SLC6A16: variants seen among roughly 807,000 people sequenced by gnomAD.
SLC6A16 encodes the protein solute carrier family 6 member 16, also known as orphan sodium- and chloride-dependent neurotransmitter transporter NTT5.
SLC6A16 carries 54 observed loss-of-function variants against 65.4 expected under a neutral mutation model. The ratio of observed to expected loss-of-function variants is 0.83; its 90% CI spans 0.66 to 1.04. The LOEUF (loss-of-function observed/expected upper bound fraction) is 1.04. Among genes scored for constraint, SLC6A16 ranks in the 50% least tolerant of loss-of-function variants. The pLI, the probability that SLC6A16 is intolerant of heterozygous loss-of-function variation, is 0.00. For missense variants in SLC6A16, 816 were observed against 914.0 expected, an observed-to-expected ratio of 0.89 and a Z score of 1.38; for synonymous variants, 330 against 346.5, an observed-to-expected ratio of 0.95 and a Z score of 0.53.
chr19:49,319,533 C>T (rs353982), intron 1 of SLC6A16, among the ~76,000 whole-genome samples: 1 of 150,170 alleles, frequency 6.7e-6, no homozygotes, highest in Admixed American at 6.7e-5. Context: ...ATACATATAC[C>T]TATACGATAT....
intron 1 of SLC6A16, among the ~76,000 whole-genome samples, chr19:49,313,528 C>T (rs1970562778): frequency 6.6e-6 from 1 of 151,554 alleles, no homozygotes; most frequent in Non-Finnish European, 1.5e-5. Context: ...GCCTGTAATC[C>T]CAGTACTTTG....
chr19:49,292,124 C>T lies in SLC6A16; in HGVS notation c.1778+1099G>A, dbSNP rs1423223873. 1.3e-5 allele frequency among the ~76,000 whole-genome samples: 2 copies of T among 152,150 alleles called. No homozygotes were observed. Among genetic ancestry groups the T allele is most frequent in the Non-Finnish European group, 2.9e-5 (2 of 68,026 alleles). ...GTGGCTCACGCATGTAATCCTAGCA[C>T]TTTGGGAGGCTGAGGCAGGTGATCA... On this transcript the variant is annotated intron_variant, in intron 10 of 11. Transcript: ENST00000335875. The surrounding 1 kb of genome is among the most constrained non-coding windows in gnomAD (Gnocchi z 4.3).
intron 1 of SLC6A16, among the ~76,000 whole-genome samples, chr19:49,319,538 C>T (rs371105357): frequency 6.0e-5 from 9 of 149,526 alleles, no homozygotes; most frequent in South Asian, 2.1e-4. Flanking sequence ...TATACCTATA[C>T]GATATATACA....
chr19:49,290,768 C>A lies in SLC6A16; in HGVS notation c.1779-1G>T. The stretch of plus-strand genomic sequence containing the variant: ...CAGGATCGTCAGGTCTGCAAGGAAC[C>A]TGGAGAAGGGCCACCAGAGTGTGGG... On this transcript the variant is annotated splice_acceptor_variant, in intron 10 of 11. Coordinates refer to ENST00000335875, the MANE Select transcript of SLC6A16 (RefSeq NM_014037.3). LOFTEE classifies it high-confidence loss of function. 1 of 1,605,912 alleles carries A rather than the reference C, an allele frequency of 6.2e-7. No homozygotes were observed. Among genetic ancestry groups the A allele is most frequent in the East Asian group, 2.2e-5 (1 of 44,578 alleles).
upstream of SLC6A16, among the ~76,000 whole-genome samples, chr19:49,328,344 A>G (rs1323152879): frequency 6.6e-6 from 1 of 152,204 alleles, no homozygotes; most frequent in African/African-American, 2.4e-5. Flanking sequence ...TCACAAAAAC[A>G]GCCTGGGGAA....
At chr19:49,322,161 C>T (rs1185406871) in intron 1 of SLC6A16, among the ~76,000 whole-genome samples, 7 of 151,968 alleles carry the variant, frequency 4.6e-5, no homozygotes, top group Non-Finnish European at 7.4e-5. Context: ...TGATCTTATA[C>T]GTAGAAAATC....
chr19:49,290,506 G>A, intron 11 of SLC6A16, 99 bp downstream of exon 11: 1 of 1,555,522 alleles, frequency 6.4e-7, no homozygotes, highest in Admixed American at 1.7e-5. Flanking sequence ...GAGTCTTCGG[G>A]CAGTAAGAGA....
intron 7 of SLC6A16, among the ~76,000 whole-genome samples, chr19:49,298,288 T>C (rs1970221499): frequency 6.6e-6 from 1 of 152,172 alleles, no homozygotes; most frequent in Non-Finnish European, 1.5e-5. Flanking sequence ...GAAGAGCTTC[T>C]GCACAGCAAA....
chr19:49,330,594 A>G, the SLC6A16 span, among the ~76,000 whole-genome samples: 1 of 152,186 alleles, frequency 6.6e-6, no homozygotes, highest in Non-Finnish European at 1.5e-5. Context: ...TTCAATGGGT[A>G]GAATTGCTGT....
chr19:49,332,003 T>C, the SLC6A16 span: 21 of 447,942 alleles, frequency 4.7e-5, no homozygotes, highest in South Asian at 7.8e-5. Context: ...ATGGCTGAAA[T>C]AGCAAATTAC....
rs766520201 is a variant in SLC6A16, at chr19:49,293,207, G to A, written c.1778+16C>T. The stretch of plus-strand genomic sequence containing the variant: ...ATAGTCCCATGCTTTGTGAGAACCT[G>A]GGCTTAGGACATCACCTCCTGGCCC... On this transcript the variant is annotated intron_variant, in intron 10 of 11. Transcript: ENST00000335875. 6.2e-7 allele frequency: 1 copy of A among 1,613,642 alleles called. No homozygotes were observed. The highest frequency in any genetic ancestry group is 1.1e-5 in the South Asian group (1 of 91,048).
chr19:49,316,995 C>T (rs1010105625), intron 1 of SLC6A16, among the ~76,000 whole-genome samples: 1 of 151,838 alleles, frequency 6.6e-6, no homozygotes, highest in Non-Finnish European at 1.5e-5. Context: ...TATGATCACA[C>T]CACTGAACTC....
intron 7 of SLC6A16, 46 bp from the exon 8 acceptor site, chr19:49,294,599 G>A (rs1970150189): frequency 6.7e-7 from 1 of 1,483,262 alleles, no homozygotes; most frequent in Non-Finnish European, 9.1e-7. Context: ...GGCCCAGTAG[G>A]AGATAGTCTC....
Position 49,311,126 on chromosome 19 carries a change from C to T in SLC6A16, c.222G>A (p.Ala74=), listed in dbSNP as rs746090885. The T allele has an allele frequency of 6.8e-6, 11 of 1,614,196 alleles. No individual in the cohort carries two copies. The East Asian group carries it at 1.3e-4, about 20-fold the overall frequency. Residue 74 remains alanine (A), a synonymous_variant, in exon 2 of 12, where the codon GCG becomes GCA. Coordinates refer to ENST00000335875, the MANE Select transcript of SLC6A16 (RefSeq NM_014037.3). The stretch of plus-strand genomic sequence containing the variant: ...TCTGGTTCAGGGCTGAGGCAGTTAA[C>T]GCCTCCAATACAGAAATTTGCTTGG... The part of the protein sequence containing the change: ...SQPKQISVLE[A]LTASALNQKP...
chr19:49,340,170 AC>A, the SLC6A16 span: 1 of 1,495,412 alleles, frequency 6.7e-7, no homozygotes, highest in Non-Finnish European at 9.2e-7. Flanking sequence ...CCCACCCCTG[AC>A]CTTTCTCGCC....
the SLC6A16 span, among the ~76,000 whole-genome samples, chr19:49,331,386 T>C: frequency 1.3e-5 from 2 of 152,176 alleles, no homozygotes; most frequent in Non-Finnish European, 2.9e-5. Context: ...CTCACTATGT[T>C]GCCCAGGCTG....
At chr19:49,313,554 C>T (rs141878605) in intron 1 of SLC6A16, among the ~76,000 whole-genome samples, 1,547 of 143,766 alleles carry the variant, frequency 0.011, 28 homozygotes, top group African/African-American at 0.039. Flanking sequence ...CCAAGGCAGG[C>T]GGATCACTTG....
At chr19:49,293,150 T>C in intron 10 of SLC6A16, 73 bp downstream of exon 10, 1 of 1,461,542 alleles carries the variant, frequency 6.8e-7, no homozygotes, top group Non-Finnish European at 9.5e-7. Flanking sequence ...GGGTTGACAG[T>C]AGAGGCAACA....
Position 49,293,411 on chromosome 19 carries a change from G to A in SLC6A16, c.1619-29C>T, listed in dbSNP as rs1011173696. On this transcript the variant is annotated intron_variant, in intron 9 of 11. Coordinates refer to ENST00000335875, the MANE Select transcript of SLC6A16 (RefSeq NM_014037.3). ...GAGAAAACATGAGATCTGGATCAAGGTTAGAAGTCACGGCTGGGTGACAAG... is the reference window on the plus strand; with the variant it reads ...GAGAAAACATGAGATCTGGATCAAGATTAGAAGTCACGGCTGGGTGACAAG... The A allele has an allele frequency of 3.7e-6, 6 of 1,612,002 alleles. No individual in the cohort carries two copies. The East Asian group carries it at 8.9e-5, about 24-fold the overall frequency.
Sources: gnomAD v4.1 joint callset for allele counts (sites outside exome capture counted in the v4.1 genomes callset) on GRCh38, gnomAD v4.1.1 for gene constraint, Gnocchi (gnomAD v3.1) non-coding constraint, MANE v1.5 for transcripts, NCBI Gene and HGNC (gene_info 2026-07-23, HGNC 2026-07-21) for gene names.